The following ENDOV variants were observed in gnomAD, a reference collection of about 807,000 sequenced individuals.
ENDOV encodes the protein hEndoV.
Under a neutral mutation model 39.4 loss-of-function variants are expected in ENDOV, and 37 were observed. The observed-to-expected ratio is 0.94, with a 90% confidence interval of 0.72 to 1.23. The LOEUF (loss-of-function observed/expected upper bound fraction) is 1.23, where lower values mean the gene tolerates loss of function less well. Among genes scored for constraint, ENDOV ranks in the 50% most tolerant of loss-of-function variants. ENDOV has a pLI of 0.00. For synonymous variants in ENDOV, 186 were observed against 163.4 expected (o/e 1.14, Z -1.05); for missense variants, 441 against 375.7 (o/e 1.17, Z -1.44).
Position 80,422,856 on chromosome 17 carries a change from C to T in ENDOV, c.403+611C>T, listed in dbSNP as rs367991110. ...CTGAGACTACAGGTGCCCATCACCA[C>T]GCCCGGCTAATTTTTTTGTATTTTT... On this transcript the variant is annotated intron_variant, in intron 4 of 9. Coordinates refer to ENST00000518137, the MANE Select transcript of ENDOV (RefSeq NM_173627.5). 9.8e-4 allele frequency among the ~76,000 whole-genome samples: 149 copies of T among 152,334 alleles called. 1 individual carries two copies. Among genetic ancestry groups the T allele is most frequent in the Non-Finnish European group, 1.6e-3 (110 of 68,030 alleles).
intron 7 of ENDOV, chr17:80,428,350 G>T (rs772902761): frequency 2.4e-5 from 13 of 539,160 alleles, no homozygotes; most frequent in Non-Finnish European, 4.3e-5. Flanking sequence ...CAGCTACTCA[G>T]GCCCTTCAGG....
At chr17:80,427,349 T>C in intron 7 of ENDOV, 1 of 853,202 alleles carries the variant, frequency 1.2e-6, no homozygotes, top group Non-Finnish European at 1.4e-6. Context: ...TTCCTGGAGC[T>C]CCTGTACCTT....
intron 8 of ENDOV, among the ~76,000 whole-genome samples, chr17:80,429,272 G>A (rs77383743): frequency 1.3e-5 from 2 of 152,196 alleles, no homozygotes; most frequent in Non-Finnish European, 2.9e-5. Flanking sequence ...AGGAGGCTGG[G>A]ACACTGAGTG....
rs1050836633 is a variant in ENDOV, at chr17:80,426,453, G to A, written c.714+833G>A. Among the ~76,000 whole-genome samples the A allele has an allele frequency of 7.2e-5, 11 of 152,046 alleles. No individual in the cohort carries two copies. The South Asian group carries it at 1.0e-3, about 14-fold the overall frequency. On this transcript the variant is annotated intron_variant, in intron 7 of 9. Transcript: ENST00000518137. ...CACTTGAGCCCAGGAGTTTGAGGGC[G>A]CCCTAGGCAACATAGACCCCGTCTC...
At chr17:80,415,579 C>T (rs1599264958) in intron 1 of ENDOV, 71 bp from the exon 2 acceptor site, 1 of 1,538,952 alleles carries the variant, frequency 6.5e-7, no homozygotes. Context: ...CTGTCCGCTG[C>T]AGCCGCGCGG....
intron 2 of ENDOV, 79 bp downstream of exon 2, chr17:80,415,900 C>G: frequency 6.7e-7 from 1 of 1,490,746 alleles, no homozygotes; most frequent in South Asian, 1.3e-5. Flanking sequence ...GGGAGCAGTG[C>G]AAGCGTAGAA....
chr17:80,433,891 A>G (rs2083463541), intron 9 of ENDOV, among the ~76,000 whole-genome samples: 1 of 152,222 alleles, frequency 6.6e-6, no homozygotes, highest in African/African-American at 2.4e-5. Context: ...AAGTTTGCAG[A>G]CAATTTTTAC....
Position 80,415,418 on chromosome 17 carries a change from A to G in ENDOV, c.56+168A>G, listed in dbSNP as rs1599261334. 34 of 1,029,736 alleles carry G rather than the reference A, an allele frequency of 3.3e-5. No homozygotes were observed. In the East Asian group the frequency reaches 8.9e-4, roughly 27 times the overall value. 63.8% of individuals were successfully genotyped at this position (1,029,736 alleles called of 1,614,324 possible). ...GAAGCGGAGGGATCTCAGGAATTGT[A>G]GTCCGCGGGGTGGGCGCGGTTCTCG... On this transcript the variant is annotated intron_variant, in intron 1 of 9. Transcript: ENST00000518137.
intron 1 of ENDOV, 77 bp downstream of exon 1, chr17:80,415,327 C>G: frequency 6.5e-7 from 1 of 1,535,616 alleles, no homozygotes; most frequent in South Asian, 1.2e-5. Flanking sequence ...AGCTCATAGT[C>G]TTCAGGCTGT....
At chr17:80,425,006 TCCCCA>T in intron 5 of ENDOV, 21 bp from the exon 6 acceptor site, 2 of 1,602,586 alleles carry the variant, frequency 1.2e-6, no homozygotes, top group Admixed American at 1.7e-5. Context: ...GGGGTTTTTT[TCCCCA>T]TTTTTCCCTC....
intron 9 of ENDOV, among the ~76,000 whole-genome samples, chr17:80,430,952 G>T (rs2083295636): frequency 6.6e-6 from 1 of 152,000 alleles, no homozygotes; most frequent in African/African-American, 2.4e-5. Context: ...CCCACCTGCA[G>T]CCCAGCCCCA....
At position 80,430,221 on chromosome 17, in the gene ENDOV, G is replaced by A. The variant is rs1166385074; in HGVS notation, c.838+390G>A. 1.6e-5 allele frequency: 24 copies of A among 1,469,662 alleles called. No homozygotes were observed. In the South Asian group the frequency reaches 2.9e-4, roughly 18 times the overall value. The allele number at this position is 1,469,662 out of a possible 1,614,324, so 91.0% of individuals were successfully genotyped here. On this transcript the variant is annotated intron_variant, in intron 9 of 9. Coordinates refer to ENST00000518137, the MANE Select transcript of ENDOV (RefSeq NM_173627.5). Reference sequence around the variant, plus strand: ...TCTATGGGGGCAAGTGCCAGATCCTGAGAGCGCATGAGACGCTTTCCCGGA... The same window carrying A: ...TCTATGGGGGCAAGTGCCAGATCCTAAGAGCGCATGAGACGCTTTCCCGGA...
At chr17:80,422,126 C>G (rs777010511) in intron 3 of ENDOV, 80 bp from the exon 4 acceptor site, 14 of 1,592,058 alleles carry the variant, frequency 8.8e-6, no homozygotes, top group South Asian at 1.1e-5. Context: ...GACAGTGCCC[C>G]CTTCTTGCCT....
intron 6 of ENDOV, 93 bp downstream of exon 6, chr17:80,425,193 C>A: frequency 9.0e-7 from 1 of 1,105,972 alleles, no homozygotes; most frequent in South Asian, 1.4e-5. Flanking sequence ...CGTGCACTCA[C>A]ACTTGCCCAC....
chr17:80,421,804 A>T, intron 2 of ENDOV, 24 bp from the exon 3 acceptor site: 1 of 1,581,776 alleles, frequency 6.3e-7, no homozygotes, highest in Non-Finnish European at 8.6e-7. Flanking sequence ...TGTGCTTCCC[A>T]CTGAGCTGCG....
intron 9 of ENDOV, among the ~76,000 whole-genome samples, chr17:80,435,540 G>A (rs1294610296): frequency 6.6e-6 from 1 of 151,992 alleles, no homozygotes; most frequent in East Asian, 1.9e-4. Flanking sequence ...CTGCAGCCTC[G>A]ACCTCTTGGG....
chr17:80,421,745 A>G (rs1224844573), intron 2 of ENDOV, 83 bp from the exon 3 acceptor site: 2 of 1,508,290 alleles, frequency 1.3e-6, no homozygotes, highest in East Asian at 4.9e-5. Flanking sequence ...GGGAAGGATG[A>G]GGGGGGCAGG....
chr17:80,430,284 C>T (rs2083248648), intron 9 of ENDOV: 3 of 1,498,188 alleles, frequency 2.0e-6, no homozygotes, highest in Non-Finnish European at 1.8e-6. Context: ...CCTGCACGAC[C>T]CCTGCAGCCT....
At chr17:80,433,588 G>A (rs1261509168) in intron 9 of ENDOV, among the ~76,000 whole-genome samples, 1 of 152,272 alleles carries the variant, frequency 6.6e-6, no homozygotes, top group Non-Finnish European at 1.5e-5. Flanking sequence ...CAACAGGGGA[G>A]CTTCCCAGGG....
Sources: gnomAD v4.1 joint callset for allele counts (sites outside exome capture counted in the v4.1 genomes callset) on GRCh38, gnomAD v4.1.1 for gene constraint, MANE v1.5 for transcripts, NCBI Gene and HGNC (gene_info 2026-07-23, HGNC 2026-07-21) for gene names.